Variants in MAGI1 observed in about 807,000 individuals in gnomAD.
MAGI1 encodes membrane associated guanylate kinase, WW and PDZ domain containing 1.
Under a neutral mutation model 139.9 loss-of-function variants are expected in MAGI1, and 58 were observed. That is an observed-to-expected ratio of 0.41 (90% confidence interval 0.34 to 0.52). The LOEUF is 0.52. MAGI1 is among the 20% of genes least tolerant of loss of function. The pLI is 0.12. For missense variants in MAGI1, 1,874 were observed against 1,901.6 expected (o/e 0.99, Z 0.27); for synonymous variants, 812 against 737.9 (o/e 1.10, Z -1.63).
At chr3:65,803,896 A>C (rs1046549333) in intron 1 of MAGI1, among the ~76,000 whole-genome samples, 1 of 152,196 alleles carries the variant, frequency 6.6e-6, no homozygotes, top group Non-Finnish European at 1.5e-5. Flanking sequence ...ATATGACAAA[A>C]GATCTCACAC....
chr3:65,652,117 C>A (rs542629473), intron 1 of MAGI1, among the ~76,000 whole-genome samples: 3 of 152,052 alleles, frequency 2.0e-5, no homozygotes, highest in African/African-American at 7.2e-5. Context: ...GTTTTATTAT[C>A]GTGTCTAGAC....
chr3:66,038,575 G>GC lies in MAGI1; in HGVS notation c.-268dup, dbSNP rs750221530. On this transcript the variant is annotated 5_prime_UTR_variant, in exon 1 of 23. Transcript: ENST00000402939. Reference sequence around the variant, plus strand: ...GGTGCCTCTGGGTCCACGTTCCGGCGCCCGCCCGTGCTCTCCCGGACCAGA... The same window carrying GC: ...GGTGCCTCTGGGTCCACGTTCCGGCGCCCCGCCCGTGCTCTCCCGGACCAGA... 5.9e-4 allele frequency: 259 copies of GC among 436,444 alleles called. 1 individual carries two copies. Among genetic ancestry groups the GC allele is most frequent in the Admixed American group, 1.7e-3 (43 of 25,202 alleles). 27.0% of individuals were successfully genotyped at this position (436,444 alleles called of 1,614,324 possible).
intron 1 of MAGI1, chr3:65,902,615 C>T (rs2061278781): frequency 6.5e-6 from 1 of 152,706 alleles, no homozygotes; most frequent in South Asian, 2.1e-4. Context: ...GCCTGTGGCT[C>T]CCTCCCACTT....
At chr3:65,504,525 GA>G (rs1463171556) in intron 2 of MAGI1, among the ~76,000 whole-genome samples, 1 of 152,082 alleles carries the variant, frequency 6.6e-6, no homozygotes, top group Non-Finnish European at 1.5e-5. Flanking sequence ...TACTAGGTGG[GA>G]ACTTCTGTAC....
intron 1 of MAGI1, among the ~76,000 whole-genome samples, chr3:65,706,675 G>A (rs1452725653): frequency 2.0e-5 from 3 of 152,120 alleles, no homozygotes; most frequent in African/African-American, 7.2e-5. Flanking sequence ...GAGATGTGGA[G>A]GGGAAATGGA....
chr3:65,436,804 T>C (rs1210327957), intron 10 of MAGI1, among the ~76,000 whole-genome samples: 4 of 152,042 alleles, frequency 2.6e-5, no homozygotes, highest in African/African-American at 9.7e-5. Flanking sequence ...GCTACTGGCA[T>C]CTAGTGGCCA....
intron 1 of MAGI1, among the ~76,000 whole-genome samples, chr3:65,719,729 T>C (rs746328363): frequency 1.3e-5 from 2 of 152,044 alleles, no homozygotes; most frequent in Non-Finnish European, 2.9e-5. Context: ...TATTTTTTTG[T>C]AGAGAAGGAG....
At chr3:65,971,708 A>G (rs1160789851) in intron 1 of MAGI1, among the ~76,000 whole-genome samples, 6 of 152,216 alleles carry the variant, frequency 3.9e-5, no homozygotes, top group Non-Finnish European at 8.8e-5. Context: ...CTTCCACAAG[A>G]CACAGAAGCC....
chr3:66,011,554 G>C (rs917967863), intron 1 of MAGI1, among the ~76,000 whole-genome samples: 4 of 152,046 alleles, frequency 2.6e-5, no homozygotes, highest in Admixed American at 6.6e-5. Context: ...CTTCCCTGAG[G>C]TCACATAGCC....
chr3:65,919,570 AC>A (rs1287725213), intron 1 of MAGI1, among the ~76,000 whole-genome samples: 1 of 151,456 alleles, frequency 6.6e-6, no homozygotes, highest in Admixed American at 6.6e-5. Context: ...TCAAAAAAAA[AC>A]AAAAAGAAAA....
intron 3 of MAGI1, 130 bp downstream of exon 3, chr3:65,493,382 A>T: frequency 1.0e-6 from 1 of 997,696 alleles, no homozygotes; most frequent in Non-Finnish European, 1.5e-6. Flanking sequence ...TCGTCATATT[A>T]AGGTGAACTG....
At chr3:65,876,933 C>T (rs536063647) in intron 1 of MAGI1, among the ~76,000 whole-genome samples, 1 of 152,040 alleles carries the variant, frequency 6.6e-6, no homozygotes, top group South Asian at 2.1e-4. Context: ...TTAGTAGAGA[C>T]GGGGTTTCAC....
At chr3:65,720,260 A>C (rs2032846265) in intron 1 of MAGI1, 1 of 152,060 alleles carries the variant, frequency 6.6e-6, no homozygotes, top group Non-Finnish European at 1.5e-5. Context: ...AGGCTCACAC[A>C]ATCTTGTGGC....
intron 1 of MAGI1, among the ~76,000 whole-genome samples, chr3:66,034,342 C>T (rs1451780485): frequency 6.6e-6 from 1 of 152,224 alleles, no homozygotes; most frequent in Non-Finnish European, 1.5e-5. Flanking sequence ...TGGGTTGCAG[C>T]TCTACTGCCA....
intron 1 of MAGI1, among the ~76,000 whole-genome samples, chr3:65,869,747 G>C (rs2059872708): frequency 6.6e-6 from 1 of 152,058 alleles, no homozygotes; most frequent in African/African-American, 2.4e-5. Flanking sequence ...AACAGAGCAT[G>C]GCACATAGTA....
chr3:65,495,331 C>T (rs934965864), intron 2 of MAGI1, among the ~76,000 whole-genome samples: 1 of 152,062 alleles, frequency 6.6e-6, no homozygotes, highest in Non-Finnish European at 1.5e-5. Flanking sequence ...GGGCTTTGCT[C>T]AATAATTTTT....
chr3:65,882,110 A>C (rs907767250), intron 1 of MAGI1, among the ~76,000 whole-genome samples: 1 of 152,234 alleles, frequency 6.6e-6, no homozygotes, highest in South Asian at 2.1e-4. Flanking sequence ...TCTTTCTGTA[A>C]ATTCATAAGC....
chr3:65,791,389 C>A (rs2039760151), intron 1 of MAGI1, among the ~76,000 whole-genome samples: 1 of 152,158 alleles, frequency 6.6e-6, no homozygotes, highest in African/African-American at 2.4e-5. Flanking sequence ...TATTCTTAAG[C>A]CTACAGCCTG....
At chr3:65,781,001 G>C (rs264107) in intron 1 of MAGI1, among the ~76,000 whole-genome samples, 59,285 of 152,010 alleles carry the variant, frequency 0.39, 12,711 homozygotes, top group South Asian at 0.5. Context: ...AGGCAGACCA[G>C]TCTGGCCAAC....
Sources: gnomAD v4.1 joint callset for allele counts (sites outside exome capture counted in the v4.1 genomes callset) on GRCh38, gnomAD v4.1.1 for gene constraint, MANE v1.5 for transcripts, NCBI Gene and HGNC (gene_info 2026-07-23, HGNC 2026-07-21) for gene names.